Variants in AS3MT observed in about 807,000 individuals in gnomAD.
The protein encoded by AS3MT is arsenite methyltransferase.
A neutral mutation model predicts 45.3 loss-of-function variants in AS3MT; 47 were observed. The observed-to-expected ratio is 1.04, with a 90% confidence interval of 0.82 to 1.32. The LOEUF is 1.32. Among genes scored for constraint, AS3MT ranks in the 40% most tolerant of loss-of-function variants. The probability of loss-of-function intolerance (pLI) is 0.00; values close to 1 mark genes in which losing one functional copy is unlikely to be tolerated. For missense variants in AS3MT, 396 were observed against 451.1 expected (o/e 0.88, Z 1.11); for synonymous variants, 141 against 152.8 (o/e 0.92, Z 0.57).
chr10:102,873,937 G>A lies in AS3MT; in HGVS notation c.459-655G>A, dbSNP rs1216678229. 2.0e-5 allele frequency among the ~76,000 whole-genome samples: 3 copies of A among 152,148 alleles called. No homozygotes were observed. In the East Asian group the frequency reaches 5.8e-4, roughly 29 times the overall value. On this transcript the variant is annotated intron_variant, in intron 5 of 10. Coordinates refer to ENST00000369880, the MANE Select transcript of AS3MT (RefSeq NM_020682.4). The stretch of plus-strand genomic sequence containing the variant: ...GTGACAGCTGCCTTTGAGGAACATA[G>A]CCTGTTTACGTGAAGCATAAGAAAT...
chr10:102,886,478 C>T (rs1333468352), intron 9 of AS3MT, among the ~76,000 whole-genome samples: 5 of 151,948 alleles, frequency 3.3e-5, no homozygotes, highest in African/African-American at 4.8e-5. Flanking sequence ...GCATGCACCA[C>T]CACGCCTGGC....
intron 9 of AS3MT, among the ~76,000 whole-genome samples, chr10:102,888,612 G>C (rs1276885677): frequency 6.6e-6 from 1 of 151,602 alleles, no homozygotes; most frequent in Non-Finnish European, 1.5e-5. Context: ...GTAGAGACGG[G>C]GTTTTACCAT....
At position 102,869,580 on chromosome 10, in the gene AS3MT, A is replaced by C. The variant is rs1364085834; in HGVS notation, c.-13A>C. 2 of 1,313,042 alleles carry C rather than the reference A, an allele frequency of 1.5e-6. No individual in the cohort carries two copies. Among genetic ancestry groups the C allele is most frequent in the Non-Finnish European group, 9.7e-7 (1 of 1,028,448 alleles). The allele number at this position is 1,313,042 out of a possible 1,614,324, so 81.3% of individuals were successfully genotyped here. ...ACAGTGAGTGCGCGCCCTGAGTCGC[A>C]GGCCGAGGAGACAGTGAGTGCGCGC... is the stretch of plus-strand genomic sequence containing the variant. On this transcript the variant is annotated 5_prime_UTR_variant, in exon 1 of 11. Coordinates refer to ENST00000369880, the MANE Select transcript of AS3MT (RefSeq NM_020682.4).
Position 102,901,415 on chromosome 10 carries a change from G to T in AS3MT, c.*715G>T, listed in dbSNP as rs1476945987. The T allele has an allele frequency of 2.6e-5, 4 of 151,962 alleles. No homozygotes were observed. The highest frequency in any genetic ancestry group is 5.9e-5 in the Non-Finnish European group (4 of 68,024). 9.4% of individuals were successfully genotyped at this position (151,962 alleles called of 1,614,324 possible). A position where few individuals can be genotyped will look rare whatever the true frequency, so the allele number is the denominator to read the frequency against. On this transcript the variant is annotated 3_prime_UTR_variant, in exon 11 of 11. Transcript: ENST00000369880. ...TCACCATGTTAGCCAGGATGGTCTT[G>T]ATCTCCTGACCTCGTGATCCGCCCG...
intron 5 of AS3MT, among the ~76,000 whole-genome samples, chr10:102,874,251 C>G (rs1485613435): frequency 1.4e-5 from 2 of 145,464 alleles, no homozygotes; most frequent in Non-Finnish European, 3.0e-5. Context: ...GAAACATCCT[C>G]TCGGGAAAAA....
chr10:102,893,338 G>T (rs975900127), intron 10 of AS3MT, among the ~76,000 whole-genome samples: 9 of 151,940 alleles, frequency 5.9e-5, no homozygotes, highest in Admixed American at 5.9e-4. Flanking sequence ...TGGGGGAGGG[G>T]GACGGAGTCT....
chr10:102,892,250 A>T (rs1298128471), intron 10 of AS3MT, among the ~76,000 whole-genome samples: 4 of 152,138 alleles, frequency 2.6e-5, no homozygotes, highest in African/African-American at 9.7e-5. Context: ...ACTTCCAAAG[A>T]AACCAGAATC....
intron 5 of AS3MT, among the ~76,000 whole-genome samples, chr10:102,874,339 A>C (rs1250111867): frequency 6.6e-6 from 1 of 152,228 alleles, no homozygotes; most frequent in Non-Finnish European, 1.5e-5. Flanking sequence ...ACATCAGGAC[A>C]GAAACAAGTA....
At chr10:102,888,288 A>AT (rs1451863408) in intron 9 of AS3MT, 1 of 152,138 alleles carries the variant, frequency 6.6e-6, no homozygotes, top group Admixed American at 6.5e-5. Flanking sequence ...AAGACTTAAC[A>AT]TTTTTTTAAA....
At position 102,873,191 on chromosome 10, in the gene AS3MT, T is replaced by C. The variant is rs762165707; in HGVS notation, c.416T>C (p.Leu139Ser). 2.3e-5 allele frequency: 37 copies of C among 1,610,602 alleles called. No individual in the cohort carries two copies. Among genetic ancestry groups the C allele is most frequent in the Non-Finnish European group, 3.1e-5 (37 of 1,179,100 alleles). ...TTTATTCATGGCTACATTGAGAAGTTGGGAGAGGCTGGAATCAAGAATGAG... is the reference window on the plus strand; with the variant it reads ...TTTATTCATGGCTACATTGAGAAGTCGGGAGAGGCTGGAATCAAGAATGAG... ...VTFIHGYIEK[L>S]GEAGIKNESH... Residue 139 changes from leucine (L) to serine (S), a missense_variant, in exon 5 of 11, where the codon TTG becomes TCG. By Grantham distance (145) the Leu-to-Ser change is moderately radical (BLOSUM62 -2). Transcript: ENST00000369880.
intron 9 of AS3MT, among the ~76,000 whole-genome samples, chr10:102,880,332 T>C (rs1008276400): frequency 6.6e-6 from 1 of 152,206 alleles, no homozygotes; most frequent in Non-Finnish European, 1.5e-5. Flanking sequence ...CTAGACAAAC[T>C]TTTATTGAAG....
At chr10:102,890,165 T>C (rs1845046118) in intron 9 of AS3MT, among the ~76,000 whole-genome samples, 1 of 123,412 alleles carries the variant, frequency 8.1e-6, no homozygotes. Context: ...TATGTCCGGC[T>C]AATTTTTTGT....
At position 102,878,962 on chromosome 10, in the gene AS3MT, C is replaced by G; in HGVS notation, c.856C>G (p.Leu286Val). Residue 286 changes from leucine to valine, a missense_variant, in exon 9 of 11, where the codon CTA (leucine) becomes GTA (valine). Physicochemically the swap from Leu to Val is conservative, Grantham distance 32. Coordinates refer to ENST00000369880, the MANE Select transcript of AS3MT (RefSeq NM_020682.4). The part of the protein sequence containing the change: ...NGGITGHEKE[L>V]MFDANFTFKE... ...AGGAATTACAGGACATGAAAAAGAA[C>G]TAATGTTTGATGCCAATTTTACATT... 1.2e-6 allele frequency: 2 copies of G among 1,612,476 alleles called. No homozygotes were observed. The highest frequency in any genetic ancestry group is 1.1e-5 in the South Asian group (1 of 90,720).
rs756960577 is a variant in AS3MT at position 102,873,176 on chromosome 10, G to A, written c.401G>A (p.Gly134Asp). ...FQASNVTFIH[G>D]YIEKLGEAGI... ...GCATCTAATGTGACTTTTATTCATG[G>A]CTACATTGAGAAGTTGGGAGAGGCT... The change falls in exon 5 of 11, where the codon GGC becomes GAC. Residue 134 changes from glycine to aspartate, a missense_variant. Transcript: ENST00000369880. 2 of 1,611,164 alleles carry A rather than the reference G, an allele frequency of 1.2e-6. No individual in the cohort carries two copies. Among genetic ancestry groups the A allele is most frequent in the South Asian group, 1.1e-5 (1 of 90,200 alleles).
At chr10:102,889,647 T>TTCCTTCCTTCCTTC (rs1564794858) in intron 9 of AS3MT, among the ~76,000 whole-genome samples, 10 of 92,050 alleles carry the variant, frequency 1.1e-4, no homozygotes, top group South Asian at 3.8e-4. Context: ...TTCCTTCCTT[T>TTCCTTCCTTCCTTC]CTTCCTTCCT....
Position 102,873,136 on chromosome 10 carries a change from A to T in AS3MT, c.361A>T (p.Lys121Ter). The T allele has an allele frequency of 6.8e-6, 11 of 1,606,620 alleles. No homozygotes were observed. Among genetic ancestry groups the T allele is most frequent in the Non-Finnish European group, 9.3e-6 (11 of 1,178,100 alleles). ...AAAGTATCTTGACTATCACATGGAA[A>T]AATATGGCTTCCAGGCATCTAATGT... is the stretch of plus-strand genomic sequence containing the variant. ...AEKYLDYHME[K>*]YGFQASNVTF... is the part of the protein sequence containing the mutation. Residue 121 changes from lysine to a stop codon, truncating the protein, a stop_gained, in exon 5 of 11, where the codon AAA becomes TAA. Coordinates refer to ENST00000369880, the MANE Select transcript of AS3MT (RefSeq NM_020682.4). LOFTEE classifies it high-confidence loss of function.
intron 1 of AS3MT, 101 bp from the exon 2 acceptor site, chr10:102,869,704 C>G: frequency 3.7e-6 from 6 of 1,609,128 alleles, no homozygotes; most frequent in Non-Finnish European, 5.1e-6. Flanking sequence ...CCTTTGTCCT[C>G]CCCTCACCCC....
rs531866866 is a variant in AS3MT at position 102,881,742 on chromosome 10, T to C, written c.885+2751T>C. On this transcript the variant is annotated intron_variant, in intron 9 of 10. Coordinates refer to ENST00000369880, the MANE Select transcript of AS3MT (RefSeq NM_020682.4). The surrounding 1 kb of genome is among the most constrained non-coding windows in gnomAD (Gnocchi z 4.2). Reference sequence around the variant, plus strand: ...TATTTCATTTTTCTGATTTATTTATTTATCTATTTTAGAGACAAAGTCTCT... The same window carrying C: ...TATTTCATTTTTCTGATTTATTTATCTATCTATTTTAGAGACAAAGTCTCT... Among the ~76,000 whole-genome samples the C allele has an allele frequency of 3.9e-5, 6 of 152,062 alleles. No individual in the cohort carries two copies. Among genetic ancestry groups the C allele is most frequent in the Admixed American group, 1.3e-4 (2 of 15,258 alleles).
At position 102,869,490 on chromosome 10, in the gene AS3MT, C is replaced by T. The variant is rs1015425154; in HGVS notation, c.-103C>T. ...TCGGCACAGGAGCTGGCTGCGGGAG[C>T]CCGCCGTCCTGAGTCGCAGGCCGAG... On this transcript the variant is annotated 5_prime_UTR_variant, in exon 1 of 11. Coordinates refer to ENST00000369880, the MANE Select transcript of AS3MT (RefSeq NM_020682.4). The T allele has an allele frequency of 6.5e-7, 1 of 1,532,084 alleles. No homozygotes were observed. The highest frequency in any genetic ancestry group is 1.4e-5 in the African/African-American group (1 of 71,386). 94.9% of individuals were successfully genotyped at this position (1,532,084 alleles called of 1,614,324 possible).
Sources: allele counts gnomAD v4.1 joint callset (sites outside exome capture counted in the v4.1 genomes callset), GRCh38; gene constraint gnomAD v4.1.1; non-coding constraint Gnocchi (gnomAD v3.1); transcripts MANE v1.5; gene names NCBI Gene and HGNC (gene_info 2026-07-23, HGNC 2026-07-21).